The following CCDC33 variants were observed in gnomAD, a reference collection of about 807,000 sequenced individuals.
CCDC33 encodes coiled-coil domain-containing protein 33.
In CCDC33, 94 loss-of-function variants were observed where a neutral mutation model predicts 91.9. The observed-to-expected ratio is 1.02, with a 90% confidence interval of 0.87 to 1.21. CCDC33 has a LOEUF of 1.21. Ranked by LOEUF, CCDC33 falls within the 50% of genes most tolerant of loss-of-function variation. The pLI is 0.00. For missense variants in CCDC33, 940 were observed against 935.5 expected (o/e 1.00, Z -0.06); for synonymous variants, 396 against 374.5 (o/e 1.06, Z -0.66).
At chr15:74,322,144 G>T (rs1307247385) in intron 11 of CCDC33, among the ~76,000 whole-genome samples, 5 of 152,172 alleles carry the variant, frequency 3.3e-5, no homozygotes. Context: ...AGGCCAGAGA[G>T]GATGTTCCAG....
rs1429570621 is a variant in CCDC33, at chr15:74,295,740, CCTTCT to C, written c.1096-7_1096-3del. On this transcript the variant is annotated splice_polypyrimidine_tract_variant and intron_variant, in intron 10 of 18. Transcript: ENST00000398814. ...GGGCCTGTCCTGAAGTTTCTCTGCA[CCTTCT>C]CTTCTCAGAGACCAGAAAACTTCTT... The C allele has an allele frequency of 2.5e-6, 4 of 1,606,092 alleles. No individual in the cohort carries two copies. The highest frequency in any genetic ancestry group is 1.7e-4 in the Middle Eastern group (1 of 6,050).
chr15:74,219,953 C>G (rs1334010394), intron 2 of CCDC33, among the ~76,000 whole-genome samples: 2 of 152,110 alleles, frequency 1.3e-5, no homozygotes, highest in African/African-American at 2.4e-5. Flanking sequence ...GTGCTTCTCT[C>G]CCTGCAGTGC....
Position 74,335,032 on chromosome 15 carries a change from C to T in CCDC33, c.2083C>T (p.Gln695Ter). 13 of 1,614,122 alleles carry T rather than the reference C, an allele frequency of 8.1e-6. No individual in the cohort carries two copies. Among genetic ancestry groups the T allele is most frequent in the Non-Finnish European group, 1.1e-5 (13 of 1,180,000 alleles). ...GAAGCAGGATCTGGCCACACGGCTGCAGGAGCAAGAAAAAGGTTTCAGGCA... is the reference window on the plus strand; with the variant it reads ...GAAGCAGGATCTGGCCACACGGCTGTAGGAGCAAGAAAAAGGTTTCAGGCA... Reference protein sequence around the residue: ...REKQDLATRLQEQEKGFRHPS... With the variant: ...REKQDLATRL Residue 695 changes from glutamine (Q) to a stop codon, truncating the protein, a stop_gained, in exon 18 of 19, where the codon CAG becomes TAG. Transcript: ENST00000398814. LOFTEE classifies it high-confidence loss of function.
intron 10 of CCDC33, among the ~76,000 whole-genome samples, chr15:74,289,433 G>A (rs2059543733): frequency 6.6e-6 from 1 of 152,192 alleles, no homozygotes; most frequent in Non-Finnish European, 1.5e-5. Flanking sequence ...GTCTCACCAG[G>A]CTGGGCCTAG....
rs200864998 is a variant in CCDC33, at chr15:74,307,737, A to G, written c.1290+11789A>G. ...CCTACATACCATATGTCCAAACCCC[A>G]GTAATCAAAATATAAATCAAGCAGA... On this transcript the variant is annotated intron_variant, in intron 11 of 18. Coordinates refer to ENST00000398814, the MANE Select transcript of CCDC33 (RefSeq NM_025055.5). Among the ~76,000 whole-genome samples the G allele has an allele frequency of 6.6e-5, 10 of 151,914 alleles. No individual in the cohort carries two copies. In the East Asian group the frequency reaches 1.8e-3, roughly 27 times the overall value.
chr15:74,252,649 A>G (rs2075744431), intron 2 of CCDC33, among the ~76,000 whole-genome samples: 1 of 152,166 alleles, frequency 6.6e-6, no homozygotes, highest in Non-Finnish European at 1.5e-5. Flanking sequence ...GCAGATGAAG[A>G]TGACTATTCC....
At chr15:74,223,014 G>C (rs2074658021) in intron 2 of CCDC33, among the ~76,000 whole-genome samples, 2 of 152,072 alleles carry the variant, frequency 1.3e-5, no homozygotes, top group Admixed American at 6.5e-5. Context: ...GGTTCAAGCA[G>C]GGAGAGGCAC....
chr15:74,232,856 A>G (rs1048094921), upstream of CCDC33, among the ~76,000 whole-genome samples: 2 of 151,922 alleles, frequency 1.3e-5, no homozygotes, highest in African/African-American at 4.8e-5. Context: ...CCCCACTGGA[A>G]TGGGCCAGAG....
chr15:74,334,998 G>A lies in CCDC33; in HGVS notation c.2049G>A (p.Trp683Ter), dbSNP rs1323825077. 6.2e-7 allele frequency: 1 copy of A among 1,614,100 alleles called. No individual in the cohort carries two copies. Among genetic ancestry groups the A allele is most frequent in the South Asian group, 1.1e-5 (1 of 91,082 alleles). Residue 683 changes from tryptophan to a stop codon, truncating the protein, a stop_gained, in exon 18 of 19, where the codon TGG becomes TGA. Transcript: ENST00000398814. LOFTEE classifies it high-confidence loss of function. ...ESQLEDSARR[W>*]GREKQDLATR... is the part of the protein sequence containing the mutation. ...AGTTAGAGGACTCAGCTCGACGCTGGGGACGAGAGAAGCAGGATCTGGCCA... is the reference window on the plus strand; with the variant it reads ...AGTTAGAGGACTCAGCTCGACGCTGAGGACGAGAGAAGCAGGATCTGGCCA...
At chr15:74,263,373 C>T (rs937720337) in intron 3 of CCDC33, among the ~76,000 whole-genome samples, 1 of 152,210 alleles carries the variant, frequency 6.6e-6, no homozygotes, top group Non-Finnish European at 1.5e-5. Flanking sequence ...TTGCTTCTTG[C>T]AGGTGGTCTC....
rs759578044 is a variant in CCDC33 at position 74,218,117 on chromosome 15, G to C, written c.311-380G>C. Among the ~76,000 whole-genome samples the C allele has an allele frequency of 1.3e-5, 2 of 152,170 alleles. No individual in the cohort carries two copies. The highest frequency in any genetic ancestry group is 2.9e-5 in the Non-Finnish European group (2 of 68,036). ...GCCTAGACTAAGGCCACCCTGGCAGGCTGCCTGGAGGAGGAGGGATGTGAG... is the reference window on the plus strand; with the variant it reads ...GCCTAGACTAAGGCCACCCTGGCAGCCTGCCTGGAGGAGGAGGGATGTGAG... On this transcript the variant is annotated intron_variant, in intron 1 of 2. Coordinates refer to the CCDC33 transcript ENST00000635913. This position sits in a 1 kb window ranked among gnomAD's most constrained non-coding sequence, Gnocchi z 4.8.
At chr15:74,335,813 G>A (rs2060554493) in intron 18 of CCDC33, 112 bp from the exon 19 acceptor site, 1 of 807,496 alleles carries the variant, frequency 1.2e-6, no homozygotes, top group Non-Finnish European at 2.0e-6. Flanking sequence ...GCCAGGTCAT[G>A]GCCCACTGGA....
upstream of CCDC33, among the ~76,000 whole-genome samples, chr15:74,214,412 C>T (rs2074394896): frequency 6.6e-6 from 1 of 152,150 alleles, no homozygotes; most frequent in African/African-American, 2.4e-5. Flanking sequence ...TCTGGGGAAC[C>T]AGGCCCTGCC....
intron 11 of CCDC33, 38 bp downstream of exon 11, chr15:74,295,986 T>C (rs929884232): frequency 3.9e-6 from 6 of 1,553,882 alleles, no homozygotes; most frequent in East Asian, 4.7e-5. Flanking sequence ...GCCGGGGCAG[T>C]GATGAGGCCA....
intron 8 of CCDC33, 123 bp from the exon 9 acceptor site, chr15:74,280,545 C>A: frequency 8.9e-7 from 1 of 1,118,086 alleles, no homozygotes; most frequent in Non-Finnish European, 1.2e-6. Flanking sequence ...GATGTATGTG[C>A]AGGGAAAGGC....
chr15:74,240,171 A>G (rs1023098706), intron 1 of CCDC33, among the ~76,000 whole-genome samples: 1 of 152,244 alleles, frequency 6.6e-6, no homozygotes, highest in Admixed American at 6.5e-5. Context: ...CATGCCCAGA[A>G]CTGAAACACA....
At chr15:74,325,452 C>T (rs1403567375) in intron 11 of CCDC33, among the ~76,000 whole-genome samples, 1 of 152,126 alleles carries the variant, frequency 6.6e-6, no homozygotes, top group African/African-American at 2.4e-5. Flanking sequence ...AGGAAGGCTT[C>T]CTAGACCTGG....
intron 11 of CCDC33, among the ~76,000 whole-genome samples, chr15:74,320,995 C>T (rs1020679551): frequency 6.6e-6 from 1 of 152,262 alleles, no homozygotes; most frequent in Admixed American, 6.5e-5. Context: ...GGCATTGGCC[C>T]GTGTGTTTCT....
chr15:74,333,277 G>C (rs535915434), intron 16 of CCDC33: 4 of 1,601,542 alleles, frequency 2.5e-6, no homozygotes, highest in East Asian at 2.3e-5. Context: ...TACAAGAGAC[G>C]CATGGCCCAG....
Sources: allele counts gnomAD v4.1 joint callset (sites outside exome capture counted in the v4.1 genomes callset), GRCh38; gene constraint gnomAD v4.1.1; non-coding constraint Gnocchi (gnomAD v3.1); transcripts MANE v1.5; gene names NCBI Gene and HGNC (gene_info 2026-07-23, HGNC 2026-07-21).